Variants in CNGA1 observed in about 807,000 individuals in gnomAD.
The protein encoded by CNGA1 is cyclic nucleotide-gated channel alpha-1.
A neutral mutation model predicts 69.7 loss-of-function variants in CNGA1; 53 were observed. That is an observed-to-expected ratio of 0.76 (90% CI 0.61 to 0.96). The LOEUF (loss-of-function observed/expected upper bound fraction) is 0.96. Ranked by LOEUF, CNGA1 falls within the 40% of genes least tolerant of loss-of-function variation. CNGA1 has a pLI of 0.00. For missense variants in CNGA1, 739 were observed against 811.2 expected (o/e 0.91, Z 1.08); for synonymous variants, 249 against 283.5 (o/e 0.88, Z 1.22).
chr4:48,004,205 G>A (rs1350395021), intron 2 of CNGA1, among the ~76,000 whole-genome samples: 1 of 152,232 alleles, frequency 6.6e-6, no homozygotes, highest in African/African-American at 2.4e-5. Flanking sequence ...CCCCTGTCCA[G>A]TGGACACGTG....
chr4:47,964,760 T>G lies in CNGA1; in HGVS notation c.-14-12057A>C, dbSNP rs1740634521. Among the ~76,000 whole-genome samples, 5 of 152,134 alleles carry G rather than the reference T, an allele frequency of 3.3e-5. No individual in the cohort carries two copies. The South Asian group carries it at 1.0e-3, about 31-fold the overall frequency. On this transcript the variant is annotated intron_variant, in intron 3 of 10. Transcript: ENST00000514170. ...TTTGCATTAAAATCATAGAATAAAT[T>G]AGGAAATTATTTTCCTTTACATTTT...
chr4:47,948,047 T>C (rs940760007), intron 6 of CNGA1, among the ~76,000 whole-genome samples: 1 of 152,204 alleles, frequency 6.6e-6, no homozygotes, highest in Non-Finnish European at 1.5e-5. Context: ...TGATAAGAAC[T>C]GACATATATT....
intron 9 of CNGA1, among the ~76,000 whole-genome samples, chr4:47,941,301 A>G (rs2110137955): frequency 6.6e-6 from 1 of 152,242 alleles, no homozygotes; most frequent in South Asian, 2.1e-4. Flanking sequence ...TACCCGATAA[A>G]TTTGTACAAA....
chr4:47,959,982 G>A (rs1740332083), intron 3 of CNGA1, among the ~76,000 whole-genome samples: 1 of 152,144 alleles, frequency 6.6e-6, no homozygotes, highest in Non-Finnish European at 1.5e-5. Context: ...ATAAGAAGAT[G>A]TAAAGGCAAG....
chr4:48,002,129 C>T (rs75668657), intron 2 of CNGA1, among the ~76,000 whole-genome samples: 4,000 of 151,936 alleles, frequency 0.026, 75 homozygotes, highest in Middle Eastern at 0.048. Context: ...AAACTTTCAC[C>T]TTAGAAACTG....
chr4:47,939,068 A>G (rs889265163), intron 10 of CNGA1, among the ~76,000 whole-genome samples: 10 of 152,096 alleles, frequency 6.6e-5, no homozygotes, highest in African/African-American at 2.4e-4. Context: ...GAAAGAGGAA[A>G]GAAAGAAAAA....
At chr4:47,984,649 T>A (rs10544306) in intron 2 of CNGA1, among the ~76,000 whole-genome samples, 81,954 of 128,132 alleles carry the variant, frequency 0.64, 24,806 homozygotes, top group Admixed American at 0.7. Flanking sequence ...ATAAAAAAAA[T>A]ATATATATAT....
chr4:47,937,174 G>T lies in CNGA1; in HGVS notation c.1308C>A (p.Tyr436Ter). 1 of 1,614,126 alleles carries T rather than the reference G, an allele frequency of 6.2e-7. No homozygotes were observed. The highest frequency in any genetic ancestry group is 8.5e-7 in the Non-Finnish European group (1 of 1,180,034). Reference protein sequence around the residue: ...MEKRVIKWFDYLWTNKKTVDE... With the variant: ...MEKRVIKWFD Reference sequence around the variant, plus strand: ...CAACTGTTTTTTTGTTGGTCCACAGGTAGTCAAACCATTTAATAACCCTCT... The same window carrying T: ...CAACTGTTTTTTTGTTGGTCCACAGTTAGTCAAACCATTTAATAACCCTCT... Residue 436 changes from tyrosine to a stop codon, truncating the protein, a stop_gained, in exon 11 of 11, where the codon TAC (tyrosine) becomes TAA (stop). Transcript: ENST00000514170. LOFTEE classifies it high-confidence loss of function.
chr4:47,998,628 A>T (rs968931994), intron 2 of CNGA1, among the ~76,000 whole-genome samples: 5 of 150,974 alleles, frequency 3.3e-5, no homozygotes, highest in African/African-American at 1.2e-4. Context: ...TACAAAAAAA[A>T]TTAGCTGGGC....
intron 5 of CNGA1, among the ~76,000 whole-genome samples, chr4:47,950,109 T>G (rs1298728459): frequency 6.6e-6 from 1 of 152,178 alleles, no homozygotes; most frequent in Non-Finnish European, 1.5e-5. Context: ...AATGCCAGTG[T>G]CTTGAACAAA....
At chr4:47,994,914 CTG>C (rs1194291144) in intron 2 of CNGA1, among the ~76,000 whole-genome samples, 1 of 152,104 alleles carries the variant, frequency 6.6e-6, no homozygotes, top group African/African-American at 2.4e-5. Flanking sequence ...CTGAAAAAGA[CTG>C]TATCTTTCCT....
In CNGA1 at chr4:47,985,595, C is replaced by T. The variant is rs1193647221; in HGVS notation, c.-122-4095G>A. On this transcript the variant is annotated intron_variant, in intron 2 of 10. Transcript: ENST00000514170. The stretch of plus-strand genomic sequence containing the variant: ...TTAAATCTTGGTCAATATCATGAAA[C>T]TTCATAGAACTTGTCATTATAAAAC... 2.0e-5 allele frequency among the ~76,000 whole-genome samples: 3 copies of T among 152,262 alleles called. No individual in the cohort carries two copies. In the East Asian group the frequency reaches 5.8e-4, roughly 29 times the overall value.
At chr4:47,990,951 T>C (rs1434276501) in intron 2 of CNGA1, among the ~76,000 whole-genome samples, 2 of 152,222 alleles carry the variant, frequency 1.3e-5, no homozygotes, top group Non-Finnish European at 2.9e-5. Context: ...TAATCTCATC[T>C]AGGTAGCCAT....
chr4:47,943,002 T>G, intron 8 of CNGA1, 179 bp downstream of exon 8: 1 of 526,980 alleles, frequency 1.9e-6, no homozygotes, highest in East Asian at 3.2e-5. Context: ...TGGAAAAAGT[T>G]TTAATTCACT....
At chr4:47,944,564 G>A (rs550377982) in intron 6 of CNGA1, among the ~76,000 whole-genome samples, 1 of 152,306 alleles carries the variant, frequency 6.6e-6, no homozygotes, top group South Asian at 2.1e-4. Flanking sequence ...GGCAGATGGT[G>A]GAGGAAGGTA....
chr4:47,997,428 A>G lies in CNGA1; in HGVS notation c.-123+13366T>C, dbSNP rs557905816. ...CAAACCTTCATAACCAAAATATTAAAAATCTATAAAGCAATGATTTTAATA... is the reference window on the plus strand; with the variant it reads ...CAAACCTTCATAACCAAAATATTAAGAATCTATAAAGCAATGATTTTAATA... On this transcript the variant is annotated intron_variant, in intron 2 of 10. Coordinates refer to ENST00000514170, the MANE Select transcript of CNGA1 (RefSeq NM_001379270.1). 1.3e-4 allele frequency among the ~76,000 whole-genome samples: 20 copies of G among 152,286 alleles called. No homozygotes were observed. In the South Asian group the frequency reaches 4.1e-3, roughly 32 times the overall value.
At chr4:48,004,645 G>C (rs1560314752) in intron 2 of CNGA1, among the ~76,000 whole-genome samples, 2 of 152,140 alleles carry the variant, frequency 1.3e-5, no homozygotes, top group Non-Finnish European at 2.9e-5. Flanking sequence ...GAGAAAATAG[G>C]AGGAGGAAGG....
chr4:47,988,935 T>G (rs1742113192), intron 2 of CNGA1, among the ~76,000 whole-genome samples: 1 of 151,952 alleles, frequency 6.6e-6, no homozygotes, highest in Non-Finnish European at 1.5e-5. Context: ...AGGGTCAACT[T>G]TAAATAGAAT....
At chr4:47,976,309 A>G (rs1257671951) in intron 3 of CNGA1, among the ~76,000 whole-genome samples, 10 of 35,366 alleles carry the variant, frequency 2.8e-4, no homozygotes, top group Non-Finnish European at 4.3e-4. Flanking sequence ...ATACATATAT[A>G]TATACATATA....
Sources: gnomAD v4.1 joint callset for allele counts (sites outside exome capture counted in the v4.1 genomes callset) on GRCh38, gnomAD v4.1.1 for gene constraint, MANE v1.5 for transcripts, NCBI Gene and HGNC (gene_info 2026-07-23, HGNC 2026-07-21) for gene names.